The following TSPAN7 variants were observed in gnomAD, a reference collection of about 807,000 sequenced individuals.
TSPAN7 encodes the protein tetraspanin 7.
In TSPAN7, 1 loss-of-function variant was observed where a neutral mutation model predicts 17.6. The observed-to-expected ratio is 0.06, with a 90% CI of 0.02 to 0.27. The LOEUF is 0.27. Ranked by LOEUF, TSPAN7 falls within the 10% of genes least tolerant of loss-of-function variation. The probability of loss-of-function intolerance (pLI) is 1.00; values close to 1 mark genes in which losing one functional copy is unlikely to be tolerated. For missense variants in TSPAN7, 112 were observed against 201.7 expected (o/e 0.56, Z 2.69); for synonymous variants, 78 against 79.0 (o/e 0.99, Z 0.07).
At chrX:38,580,642 C>G (rs1484010694) in intron 1 of TSPAN7, among the ~76,000 whole-genome samples, 2 of 112,085 alleles carry the variant, frequency 1.8e-5, no homozygotes, top group Non-Finnish European at 3.8e-5. Context: ...CTACTATGAT[C>G]ACTGAGCATT....
chrX:38,623,444 C>G (rs1415072848), intron 1 of TSPAN7, among the ~76,000 whole-genome samples: 3 of 109,661 alleles, frequency 2.7e-5, no homozygotes, highest in East Asian at 5.8e-4. Context: ...GGCTATCCTT[C>G]TATCTCACTG....
intron 1 of TSPAN7, among the ~76,000 whole-genome samples, chrX:38,566,851 A>G (rs977212526): frequency 1.8e-5 from 2 of 112,068 alleles, no homozygotes; most frequent in African/African-American, 6.5e-5. Context: ...TGTTTTATTT[A>G]TACATTTTTA....
At position 38,606,519 on chromosome X, in the gene TSPAN7, G is replaced by C. The variant is rs771092113; in HGVS notation, c.81+44892G>C. ...AGCTACAGCCTTCTTTAAGGTATTAGGTCAGAGTTTTCTAGGATAGTAGCT... is the reference window on the plus strand; with the variant it reads ...AGCTACAGCCTTCTTTAAGGTATTACGTCAGAGTTTTCTAGGATAGTAGCT... On this transcript the variant is annotated intron_variant, in intron 1 of 7. Coordinates refer to ENST00000378482, the MANE Select transcript of TSPAN7 (RefSeq NM_004615.4). Among the ~76,000 whole-genome samples the C allele has an allele frequency of 1.2e-4, 13 of 111,350 alleles. No individual in the cohort carries two copies. In the South Asian group the frequency reaches 4.9e-3, roughly 42 times the overall value.
chrX:38,672,508 T>C (rs1052308258), intron 3 of TSPAN7, among the ~76,000 whole-genome samples: 12 of 110,549 alleles, frequency 1.1e-4, no homozygotes, highest in Middle Eastern at 9.1e-3. Flanking sequence ...CCAGTTTGTA[T>C]GGGTGCTGCA....
chrX:38,645,004 C>T (rs760794310), intron 1 of TSPAN7, among the ~76,000 whole-genome samples: 4 of 111,900 alleles, frequency 3.6e-5, no homozygotes, highest in Non-Finnish European at 7.5e-5. Context: ...GCCACTGTGG[C>T]CTCCTGCCCC....
At chrX:38,628,189 C>T (rs1444098578) in intron 1 of TSPAN7, among the ~76,000 whole-genome samples, 1 of 112,706 alleles carries the variant, frequency 8.9e-6, no homozygotes, top group Non-Finnish European at 1.9e-5. Context: ...CGCTGTGGGG[C>T]ATGGGAGCTG....
At chrX:38,670,305 G>A (rs1170931347) in intron 2 of TSPAN7, among the ~76,000 whole-genome samples, 2 of 111,713 alleles carry the variant, frequency 1.8e-5, no homozygotes, top group Non-Finnish European at 3.8e-5. Context: ...GTGCCTTGTA[G>A]GTAAGGAATC....
At chrX:38,679,745 A>G (rs1254995118) in intron 5 of TSPAN7, among the ~76,000 whole-genome samples, 25 of 111,293 alleles carry the variant, frequency 2.2e-4, no homozygotes, top group Non-Finnish European at 7.5e-5. Context: ...AAAGAAAAGA[A>G]AAAATGAAAA....
intron 1 of TSPAN7, chrX:38,623,151 CT>C (rs1228708319): frequency 2.2e-5 from 7 of 318,807 alleles, no homozygotes; most frequent in Non-Finnish European, 4.2e-5. Context: ...TGAGGCAGCA[CT>C]TTGTAAACCC....
intron 1 of TSPAN7, among the ~76,000 whole-genome samples, chrX:38,606,531 C>A (rs1395017107): frequency 9.0e-6 from 1 of 111,211 alleles, no homozygotes; most frequent in African/African-American, 3.3e-5. Context: ...TCAGAGTTTT[C>A]TAGGATAGTA....
At chrX:38,591,173 A>C (rs1272056383) in intron 1 of TSPAN7, among the ~76,000 whole-genome samples, 2 of 111,031 alleles carry the variant, frequency 1.8e-5, no homozygotes, top group African/African-American at 6.5e-5. Context: ...CAATGCTATA[A>C]ATTTTTCCCT....
At chrX:38,617,724 C>T (rs1274674184) in intron 1 of TSPAN7, among the ~76,000 whole-genome samples, 1 of 111,976 alleles carries the variant, frequency 8.9e-6, no homozygotes, top group Non-Finnish European at 1.9e-5. Context: ...TATTTGTATG[C>T]TATTCTCTTT....
At chrX:38,614,843 T>A (rs1241400702) in intron 1 of TSPAN7, among the ~76,000 whole-genome samples, 1 of 112,459 alleles carries the variant, frequency 8.9e-6, no homozygotes, top group African/African-American at 3.2e-5. Context: ...GCCACAAGGC[T>A]AGGTAACTCA....
At chrX:38,667,554 C>A (rs765277658) in intron 2 of TSPAN7, among the ~76,000 whole-genome samples, 21 of 111,491 alleles carry the variant, frequency 1.9e-4, no homozygotes, top group Middle Eastern at 4.2e-3. Flanking sequence ...CCAAAGGAAC[C>A]ATCTTCCCAA....
intron 5 of TSPAN7, among the ~76,000 whole-genome samples, chrX:38,677,296 A>G (rs1270882978): frequency 1.8e-5 from 2 of 112,354 alleles, no homozygotes; most frequent in Non-Finnish European, 3.8e-5. Context: ...ATTTAATGAG[A>G]TAAAGTGTCA....
chrX:38,657,521 G>A (rs978555379), intron 1 of TSPAN7, among the ~76,000 whole-genome samples: 2 of 111,827 alleles, frequency 1.8e-5, no homozygotes, highest in Non-Finnish European at 3.8e-5. Context: ...AGCCCAGCAG[G>A]TGCAGCCCCT....
intron 6 of TSPAN7, among the ~76,000 whole-genome samples, chrX:38,682,578 C>T (rs1003279415): frequency 4.4e-4 from 50 of 112,393 alleles, no homozygotes; most frequent in African/African-American, 1.5e-3. Context: ...CACAAGAGAA[C>T]GTGGGCTCAG....
intron 1 of TSPAN7, among the ~76,000 whole-genome samples, chrX:38,659,208 C>T (rs901481809): frequency 4.5e-5 from 5 of 111,366 alleles, no homozygotes; most frequent in African/African-American, 1.6e-4. Flanking sequence ...TAAATTTTTG[C>T]GTGTCTGTGT....
chrX:38,585,074 T>C (rs548317497), intron 1 of TSPAN7, among the ~76,000 whole-genome samples: 2 of 112,435 alleles, frequency 1.8e-5, no homozygotes, highest in South Asian at 7.3e-4. Flanking sequence ...TTTAGTTATA[T>C]GACTATACCA....
Sources: gnomAD v4.1 joint callset for allele counts (sites outside exome capture counted in the v4.1 genomes callset) on GRCh38, gnomAD v4.1.1 for gene constraint, MANE v1.5 for transcripts, NCBI Gene and HGNC (gene_info 2026-07-23, HGNC 2026-07-21) for gene names.